Variants in FHDC1 observed in about 807,000 individuals in gnomAD.
FHDC1 encodes the protein FH2 domain-containing protein 1.
Under a neutral mutation model 52.6 loss-of-function variants are expected in FHDC1, and 25 were observed. The observed-to-expected ratio is 0.48, with a 90% confidence interval of 0.35 to 0.66. FHDC1 has a LOEUF of 0.66. FHDC1 is among the 30% of genes least tolerant of loss of function. The probability of loss-of-function intolerance (pLI) is 0.01; values close to 1 mark genes in which losing one functional copy is unlikely to be tolerated. For synonymous variants in FHDC1, 616 were observed against 581.5 expected (o/e 1.06, Z -0.85); for missense variants, 1,459 against 1,452.8 (o/e 1.00, Z -0.07).
chr4:152,975,676 C>A lies in FHDC1; in HGVS notation c.2385C>A (p.Gly795=). The change falls in exon 12 of 12, where the codon GGC becomes GGA. Residue 795 remains glycine (G), a synonymous_variant. Coordinates refer to ENST00000511601, the MANE Select transcript of FHDC1 (RefSeq NM_001371116.1). ...CSEGTDSRPR[G]GDPEEGGEGD... Reference sequence around the variant, plus strand: ...AGGGAACCGACTCCAGACCCAGAGGCGGGGACCCGGAGGAAGGCGGGGAAG... The same window carrying A: ...AGGGAACCGACTCCAGACCCAGAGGAGGGGACCCGGAGGAAGGCGGGGAAG... The A allele has an allele frequency of 6.2e-7, 1 of 1,612,806 alleles. No homozygotes were observed. The highest frequency in any genetic ancestry group is 8.5e-7 in the Non-Finnish European group (1 of 1,179,484).
At chr4:152,930,890 A>G in the FHDC1 span, among the ~76,000 whole-genome samples, 1 of 151,940 alleles carries the variant, frequency 6.6e-6, no homozygotes, top group Admixed American at 6.6e-5. Flanking sequence ...AGTCACCAAC[A>G]TGTCCCTTTG....
intron 2 of FHDC1, among the ~76,000 whole-genome samples, chr4:152,949,066 G>T (rs1739821874): frequency 6.8e-6 from 1 of 147,938 alleles, no homozygotes; most frequent in South Asian, 2.1e-4. Flanking sequence ...TCCAGCCTGG[G>T]CAACAGAGCA....
At chr4:152,926,800 T>TG in the FHDC1 span, among the ~76,000 whole-genome samples, 2 of 145,426 alleles carry the variant, frequency 1.4e-5, no homozygotes, top group African/African-American at 5.1e-5. Flanking sequence ...TCAAACCCAA[T>TG]GGGAAAAAAA....
At chr4:152,944,640 G>A (rs1739673717) in intron 2 of FHDC1, among the ~76,000 whole-genome samples, 1 of 152,168 alleles carries the variant, frequency 6.6e-6, no homozygotes, top group South Asian at 2.1e-4. Context: ...GGCCCTTAAA[G>A]CTGATTGTGT....
chr4:152,972,330 C>T, intron 10 of FHDC1, 47 bp from the exon 11 acceptor site: 2 of 1,543,340 alleles, frequency 1.3e-6, no homozygotes, highest in East Asian at 2.3e-5. Context: ...AGCGCCGCCT[C>T]AGCTGACAAC....
At chr4:152,929,292 A>G in the FHDC1 span, among the ~76,000 whole-genome samples, 2 of 152,150 alleles carry the variant, frequency 1.3e-5, no homozygotes, top group African/African-American at 4.8e-5. This position sits in a 1 kb window ranked among gnomAD's most constrained non-coding sequence, Gnocchi z 4.1. Flanking sequence ...AGGAATAGTC[A>G]CTTATACCTT....
intron 6 of FHDC1, 103 bp from the exon 7 acceptor site, chr4:152,962,709 TCA>T: frequency 1.2e-6 from 1 of 865,454 alleles, no homozygotes; most frequent in Non-Finnish European, 1.9e-6. Context: ...CAGTTTAAGG[TCA>T]CAGTTTGCTT....
In FHDC1 at chr4:152,964,994, A is replaced by G. The variant is rs756697916; in HGVS notation, c.1100+19A>G. 5 of 1,592,054 alleles carry G rather than the reference A, an allele frequency of 3.1e-6. No individual in the cohort carries two copies. The Admixed American group carries it at 7.2e-5, about 23-fold the overall frequency. On this transcript the variant is annotated intron_variant, in intron 9 of 11. Transcript: ENST00000511601. Reference sequence around the variant, plus strand: ...CTGCTAGGTGAGCAAGTGAATTGTGAGAATTCAAGATTCTTTACCTTTTTA... The same window carrying G: ...CTGCTAGGTGAGCAAGTGAATTGTGGGAATTCAAGATTCTTTACCTTTTTA...
chr4:152,927,314 AG>A, the FHDC1 span: 1 of 647,482 alleles, frequency 1.5e-6, no homozygotes, highest in East Asian at 2.6e-5. Flanking sequence ...AATTTGTCAA[AG>A]GTCAGGGGAA....
chr4:152,973,644 G>A (rs549249964), intron 11 of FHDC1, among the ~76,000 whole-genome samples: 4 of 152,262 alleles, frequency 2.6e-5, no homozygotes, highest in Non-Finnish European at 5.9e-5. Context: ...TGGGGACGAG[G>A]TGGGAGGCTG....
At chr4:152,970,527 C>G (rs776018318) in intron 10 of FHDC1, among the ~76,000 whole-genome samples, 3 of 152,188 alleles carry the variant, frequency 2.0e-5, no homozygotes, top group Non-Finnish European at 4.4e-5. Flanking sequence ...ATGAAACATA[C>G]GAGGTGGAGC....
chr4:152,957,674 G>T (rs2149949128), intron 4 of FHDC1, among the ~76,000 whole-genome samples: 1 of 152,292 alleles, frequency 6.6e-6, no homozygotes, highest in African/African-American at 2.4e-5. Flanking sequence ...AATCTTATCA[G>T]CATGCTGAAA....
chr4:152,973,288 G>C (rs1423738087), intron 11 of FHDC1, among the ~76,000 whole-genome samples: 1 of 152,230 alleles, frequency 6.6e-6, no homozygotes, highest in Non-Finnish European at 1.5e-5. Context: ...TCCCCCTCCA[G>C]TTGGAATGCA....
At chr4:152,967,246 C>T (rs554092966) in intron 9 of FHDC1, among the ~76,000 whole-genome samples, 26 of 152,174 alleles carry the variant, frequency 1.7e-4, no homozygotes, top group East Asian at 1.2e-3. Flanking sequence ...GCCAACATGG[C>T]GAAACCCCGT....
At chr4:152,959,395 G>A (rs1740205054) in intron 4 of FHDC1, among the ~76,000 whole-genome samples, 1 of 152,188 alleles carries the variant, frequency 6.6e-6, no homozygotes, top group Non-Finnish European at 1.5e-5. Context: ...TATACCTGTT[G>A]TCAGAACTCT....
At position 152,979,536 on chromosome 4, in the gene FHDC1, ATAATT is replaced by A. The variant is rs1291585845; in HGVS notation, c.*2817_*2821del. 2.0e-5 allele frequency: 3 copies of A among 152,236 alleles called. No individual in the cohort carries two copies. The highest frequency in any genetic ancestry group is 6.5e-5 in the Admixed American group (1 of 15,290). 9.4% of individuals were successfully genotyped at this position (152,236 alleles called of 1,614,324 possible). A position where few individuals can be genotyped will look rare whatever the true frequency, so the allele number is the denominator to read the frequency against. On this transcript the variant is annotated 3_prime_UTR_variant, in exon 12 of 12. Coordinates refer to ENST00000511601, the MANE Select transcript of FHDC1 (RefSeq NM_001371116.1). Reference sequence around the variant, plus strand: ...TTTTATCGGTAGTAAGCTTGGAAAAATAATTTAAGAATACAATGGAGAAATGTAAA... The same window carrying A: ...TTTTATCGGTAGTAAGCTTGGAAAAATAAGAATACAATGGAGAAATGTAAA...
At chr4:152,923,223 CAG>C in the FHDC1 span, among the ~76,000 whole-genome samples, 1 of 152,164 alleles carries the variant, frequency 6.6e-6, no homozygotes, top group Non-Finnish European at 1.5e-5. Context: ...AACAGACAAA[CAG>C]AGAGCCAAAT....
chr4:152,935,569 T>A (rs983179661), upstream of FHDC1, among the ~76,000 whole-genome samples: 4 of 152,194 alleles, frequency 2.6e-5, no homozygotes, highest in African/African-American at 9.7e-5. Context: ...TTGAGGGGTC[T>A]TTTTACGCTT....
At chr4:152,921,206 A>G in the FHDC1 span, among the ~76,000 whole-genome samples, 1 of 152,076 alleles carries the variant, frequency 6.6e-6, no homozygotes, top group Admixed American at 6.5e-5. Context: ...TAACTTTTGA[A>G]TTAGACAAAA....
Sources: gnomAD v4.1 joint callset for allele counts (sites outside exome capture counted in the v4.1 genomes callset) on GRCh38, gnomAD v4.1.1 for gene constraint, Gnocchi (gnomAD v3.1) non-coding constraint, MANE v1.5 for transcripts, NCBI Gene and HGNC (gene_info 2026-07-23, HGNC 2026-07-21) for gene names.